The following RICTOR variants were observed in gnomAD, a reference collection of about 807,000 sequenced individuals.
RICTOR encodes rapamycin-insensitive companion of mTOR.
Under a neutral mutation model 214.9 loss-of-function variants are expected in RICTOR, and 49 were observed. The observed-to-expected ratio is 0.23, with a 90% CI of 0.18 to 0.29. The LOEUF (loss-of-function observed/expected upper bound fraction) is 0.29, where lower values mean the gene tolerates loss of function less well. Among genes scored for constraint, RICTOR ranks in the 10% least tolerant of loss-of-function variants. RICTOR has a pLI of 1.00. For missense variants in RICTOR, 1,625 were observed against 2,047.0 expected (o/e 0.79, Z 3.98); for synonymous variants, 717 against 711.3 (o/e 1.01, Z -0.13).
chr5:38,964,777 A>G lies in RICTOR; in HGVS notation c.1400+15T>C. Reference sequence around the variant, plus strand: ...ATATATCAAACAAAAGCTTTGCTAAAGCTCTGATACTTACAGTCTCTTTTC... The same window carrying G: ...ATATATCAAACAAAAGCTTTGCTAAGGCTCTGATACTTACAGTCTCTTTTC... On this transcript the variant is annotated intron_variant, in intron 16 of 37. Coordinates refer to ENST00000357387, the MANE Select transcript of RICTOR (RefSeq NM_152756.5). 1 of 1,354,000 alleles carries G rather than the reference A, an allele frequency of 7.4e-7. No individual in the cohort carries two copies. Among genetic ancestry groups the G allele is most frequent in the Non-Finnish European group, 1.0e-6 (1 of 964,724 alleles). The allele number at this position is 1,354,000 out of a possible 1,614,324, so 83.9% of individuals were successfully genotyped here. A position where few individuals can be genotyped will look rare whatever the true frequency, so the allele number is the denominator to read the frequency against.
chr5:38,999,245 T>C (rs1403370152), intron 5 of RICTOR, among the ~76,000 whole-genome samples: 1 of 151,454 alleles, frequency 6.6e-6, no homozygotes, highest in Non-Finnish European at 1.5e-5. Flanking sequence ...AGATCCAACA[T>C]GTGTATAGAT....
Position 38,939,042 on chromosome 5 carries a change from C to CA in RICTOR, c.*3261dup. 1 of 233,064 alleles carries CA rather than the reference C, an allele frequency of 4.3e-6. No individual in the cohort carries two copies. The allele number at this position is 233,064 out of a possible 1,614,324, so 14.4% of individuals were successfully genotyped here. A position where few individuals can be genotyped will look rare whatever the true frequency, so the allele number is the denominator to read the frequency against. ...AGTAGTTTACAAAGTTCATCTCACACAAAATTAGCACCTCACTCTTACCAT... is the reference window on the plus strand; with the variant it reads ...AGTAGTTTACAAAGTTCATCTCACACAAAAATTAGCACCTCACTCTTACCAT... On this transcript the variant is annotated 3_prime_UTR_variant, in exon 38 of 38. Coordinates refer to ENST00000357387, the MANE Select transcript of RICTOR (RefSeq NM_152756.5).
At chr5:38,966,781 C>A in intron 14 of RICTOR, 60 bp from the exon 15 acceptor site, 2 of 906,352 alleles carry the variant, frequency 2.2e-6, no homozygotes, top group South Asian at 1.5e-5. Context: ...AACATTTATG[C>A]ATCAGATTTA....
At chr5:38,951,645 T>C (rs907265656) in intron 30 of RICTOR, among the ~76,000 whole-genome samples, 2 of 152,008 alleles carry the variant, frequency 1.3e-5, no homozygotes, top group Non-Finnish European at 2.9e-5. Context: ...CACTATCTTC[T>C]TAAAAGGAAG....
At chr5:39,031,753 TC>T (rs570774414) in intron 2 of RICTOR, among the ~76,000 whole-genome samples, 2 of 152,188 alleles carry the variant, frequency 1.3e-5, no homozygotes, top group Non-Finnish European at 2.9e-5. Flanking sequence ...ATATGCGACT[TC>T]AACAGTAGAA....
chr5:38,990,693 GAT>G (rs1433860949), intron 7 of RICTOR, among the ~76,000 whole-genome samples: 1 of 88,998 alleles, frequency 1.1e-5, no homozygotes, highest in Non-Finnish European at 2.2e-5. Flanking sequence ...TCATATATAT[GAT>G]ATATATCAGA....
intron 15 of RICTOR, among the ~76,000 whole-genome samples, chr5:38,966,262 T>C (rs755676276): frequency 6.6e-5 from 10 of 152,224 alleles, no homozygotes; most frequent in Non-Finnish European, 1.5e-4. Context: ...TCAAGTACAT[T>C]CTTAGCAGAC....
At chr5:39,046,028 AAAATAAATAAAT>A (rs141969707) in intron 2 of RICTOR, among the ~76,000 whole-genome samples, 6 of 140,236 alleles carry the variant, frequency 4.3e-5, no homozygotes, top group South Asian at 2.3e-4. Flanking sequence ...TCTGTCTTTA[AAAATAAATAAAT>A]AAATAAATAA....
At chr5:39,067,499 T>C (rs1758989257) in intron 2 of RICTOR, among the ~76,000 whole-genome samples, 1 of 152,156 alleles carries the variant, frequency 6.6e-6, no homozygotes, top group South Asian at 2.1e-4. Flanking sequence ...CACAATTTTC[T>C]CTCTTCTCTT....
chr5:39,024,846 T>C lies in RICTOR; in HGVS notation c.98-3710A>G, dbSNP rs1168172497. Among the ~76,000 whole-genome samples, 3 of 152,320 alleles carry C rather than the reference T, an allele frequency of 2.0e-5. No homozygotes were observed. The South Asian group carries it at 6.2e-4, about 32-fold the overall frequency. Reference sequence around the variant, plus strand: ...TGCAGACATTTTTTTAAAACCACAATCTTGTTACAAAGCAAAATCTCATAT... The same window carrying C: ...TGCAGACATTTTTTTAAAACCACAACCTTGTTACAAAGCAAAATCTCATAT... On this transcript the variant is annotated intron_variant, in intron 2 of 37. Coordinates refer to ENST00000357387, the MANE Select transcript of RICTOR (RefSeq NM_152756.5).
rs975681250 is a variant in RICTOR at position 38,939,848 on chromosome 5, A to G, written c.*2456T>C. The stretch of plus-strand genomic sequence containing the variant: ...TCTATTACTGCTGATATCATTCCTA[A>G]CCTCTTCTGCTATAATTTAATATTT... On this transcript the variant is annotated 3_prime_UTR_variant, in exon 38 of 38. Transcript: ENST00000357387. The G allele has an allele frequency of 4.5e-5, 10 of 223,874 alleles. No individual in the cohort carries two copies. The highest frequency in any genetic ancestry group is 7.1e-5 in the Non-Finnish European group (8 of 112,264). 13.9% of individuals were successfully genotyped at this position (223,874 alleles called of 1,614,324 possible). A position where few individuals can be genotyped will look rare whatever the true frequency, so the allele number is the denominator to read the frequency against.
chr5:39,073,267 TG>T lies in RICTOR; in HGVS notation c.97+843del, dbSNP rs569587516. 4.0e-4 allele frequency among the ~76,000 whole-genome samples: 61 copies of T among 152,326 alleles called. 1 individual carries two copies. Among genetic ancestry groups the T allele is most frequent in the Admixed American group, 3.5e-3 (54 of 15,304 alleles). ...TCAGTAGGCTCAATCCTGTTTACCGTGGAAGAGAAAAGAATCTTGTACGTAA... is the reference window on the plus strand; with the variant it reads ...TCAGTAGGCTCAATCCTGTTTACCGTGAAGAGAAAAGAATCTTGTACGTAA... On this transcript the variant is annotated intron_variant, in intron 2 of 37. Transcript: ENST00000357387.
intron 2 of RICTOR, among the ~76,000 whole-genome samples, chr5:39,057,291 T>C (rs556860633): frequency 1.4e-4 from 22 of 152,298 alleles, no homozygotes; most frequent in African/African-American, 4.1e-4. Flanking sequence ...AATGGTTCCA[T>C]TGATGTTGGT....
At chr5:39,019,255 T>C (rs1322506834) in intron 3 of RICTOR, among the ~76,000 whole-genome samples, 1 of 152,210 alleles carries the variant, frequency 6.6e-6, no homozygotes, top group East Asian at 1.9e-4. Flanking sequence ...CTAAGATCAC[T>C]GACCAAGGTA....
At chr5:39,005,009 G>C (rs528769400) in intron 3 of RICTOR, among the ~76,000 whole-genome samples, 1 of 152,208 alleles carries the variant, frequency 6.6e-6, no homozygotes, top group East Asian at 1.9e-4. Flanking sequence ...TCAAACTCCC[G>C]ACCTCAGGTG....
chr5:39,028,383 C>T (rs982056397), intron 2 of RICTOR, among the ~76,000 whole-genome samples: 11 of 151,722 alleles, frequency 7.3e-5, no homozygotes, highest in East Asian at 1.9e-4. Flanking sequence ...GGGGTTTCAC[C>T]GTTTTAGCCG....
intron 11 of RICTOR, among the ~76,000 whole-genome samples, chr5:38,968,838 T>C (rs763639296): frequency 4.7e-4 from 71 of 151,738 alleles, no homozygotes; most frequent in Non-Finnish European, 8.4e-4. Context: ...ATACTGCCCC[T>C]GGAGACATTC....
At position 38,946,500 on chromosome 5, in the gene RICTOR, C is replaced by T. The variant is rs781306012; in HGVS notation, c.4367G>A (p.Arg1456Gln). ...ATCATGGGCAAATGCTCTTGCACCT[C>T]GATCATCATGTGGTGGTATGTTTTT... The part of the protein sequence containing the change: ...QTKNIPPHDD[R>Q]GARAFAHDAG... Residue 1456 changes from arginine (R) to glutamine (Q), a missense_variant, in exon 33 of 38, where the codon CGA becomes CAA. Around this residue, in one of 5 missense-constraint regions of RICTOR, gnomAD observed 1,214 missense variants for 1,470.5 expected, o/e 0.83. Coordinates refer to ENST00000357387, the MANE Select transcript of RICTOR (RefSeq NM_152756.5). 21 of 1,611,574 alleles carry T rather than the reference C, an allele frequency of 1.3e-5. No homozygotes were observed. The highest frequency in any genetic ancestry group is 1.7e-5 in the Non-Finnish European group (20 of 1,178,052).
Position 38,950,068 on chromosome 5 carries a change from A to C in RICTOR, c.3780T>G (p.Ser1260Arg). Reference protein sequence around the residue: ...TDCGSMSTVVSTKTIKTSHYL... With the variant: ...TDCGSMSTVVRTKTIKTSHYL... ...AGTGGCTTGTCTTAATAGTTTTAGT[A>C]CTTACCACAGTACTCATGCTTCCAC... The change falls in exon 31 of 38, where the codon AGT (serine) becomes AGG (arginine). Residue 1260 changes from serine (S) to arginine (R), a missense_variant. Ser to Arg is a moderately radical substitution (Grantham distance 110). Around this residue, in one of 5 missense-constraint regions of RICTOR, gnomAD observed 1,214 missense variants for 1,470.5 expected, o/e 0.83. Coordinates refer to ENST00000357387, the MANE Select transcript of RICTOR (RefSeq NM_152756.5). 1 of 1,613,064 alleles carries C rather than the reference A, an allele frequency of 6.2e-7. No homozygotes were observed. Among genetic ancestry groups the C allele is most frequent in the Non-Finnish European group, 8.5e-7 (1 of 1,179,616 alleles).
Sources: gnomAD v4.1 joint callset for allele counts (sites outside exome capture counted in the v4.1 genomes callset) on GRCh38, gnomAD v4.1.1 for gene constraint, gnomAD v4.1.1 regional missense constraint, MANE v1.5 for transcripts, NCBI Gene and HGNC (gene_info 2026-07-23, HGNC 2026-07-21) for gene names.